Variants in MBD5 observed in about 807,000 individuals in gnomAD.
MBD5 encodes the protein methyl-CpG binding domain protein 5.
In MBD5, 13 loss-of-function variants were observed where a neutral mutation model predicts 117.3. The ratio of observed to expected loss-of-function variants is 0.11; its 90% CI spans 0.07 to 0.18. The LOEUF (loss-of-function observed/expected upper bound fraction) is 0.18, where lower values mean the gene tolerates loss of function less well. MBD5 is among the 10% of genes least tolerant of loss of function. The probability of loss-of-function intolerance (pLI) is 1.00; values close to 1 mark genes in which losing one functional copy is unlikely to be tolerated. For synonymous variants in MBD5, 727 were observed against 766.4 expected (o/e 0.95, Z 0.85); for missense variants, 1,879 against 2,093.8 (o/e 0.90, Z 2.00).
chr2:148,488,158 G>C (rs2166485), intron 10 of MBD5, among the ~76,000 whole-genome samples: 2 of 152,336 alleles, frequency 1.3e-5, no homozygotes, highest in South Asian at 2.1e-4. Flanking sequence ...AATTTAGGAC[G>C]GGTATAGTTG....
intron 2 of MBD5, among the ~76,000 whole-genome samples, chr2:148,210,715 A>G (rs1419759350): frequency 1.3e-5 from 2 of 152,110 alleles, no homozygotes; most frequent in African/African-American, 4.8e-5. Flanking sequence ...ATTATAAAAA[A>G]TAACTTAGAT....
chr2:148,062,490 AACTGTTTATATTCT>A lies in MBD5; in HGVS notation c.-925+40809_-925+40822del, dbSNP rs561998124. On this transcript the variant is annotated intron_variant, in intron 1 of 13. Coordinates refer to ENST00000642680, the MANE Select transcript of MBD5 (RefSeq NM_001378120.1). The stretch of plus-strand genomic sequence containing the variant: ...GACAACTTAAGCATGATAAACACTT[AACTGTTTATATTCT>A]ACAAGCTCAGTGTAATGTAAAAAAT... 609 of 152,062 alleles carry A rather than the reference AACTGTTTATATTCT, an allele frequency of 4.0e-3. 2 individuals are homozygous for A. Among genetic ancestry groups the A allele is most frequent in the African/African-American group, 0.014 (562 of 41,556 alleles). 9.4% of individuals were successfully genotyped at this position (152,062 alleles called of 1,614,324 possible). A position where few individuals can be genotyped will look rare whatever the true frequency, so the allele number is the denominator to read the frequency against.
chr2:148,356,048 T>G (rs1703372653), intron 4 of MBD5, among the ~76,000 whole-genome samples: 1 of 152,160 alleles, frequency 6.6e-6, no homozygotes, highest in Non-Finnish European at 1.5e-5. Context: ...CCCTTGTAAG[T>G]TGTATTCCTA....
At chr2:148,227,163 G>A (rs1699851325) in intron 2 of MBD5, among the ~76,000 whole-genome samples, 1 of 152,148 alleles carries the variant, frequency 6.6e-6, no homozygotes, top group African/African-American at 2.4e-5. Context: ...ATTGCTTTTG[G>A]TGTTTTAGAC....
At chr2:148,038,775 T>C (rs1354233068) in intron 1 of MBD5, among the ~76,000 whole-genome samples, 2 of 152,012 alleles carry the variant, frequency 1.3e-5, no homozygotes, top group Non-Finnish European at 2.9e-5. Flanking sequence ...TTACTGTCCA[T>C]TGTATTTTTT....
intron 8 of MBD5, chr2:148,470,689 TG>T: frequency 1.9e-6 from 1 of 528,760 alleles, no homozygotes. Context: ...GTTGTCAATC[TG>T]TGTCATTTTG....
At chr2:148,171,343 A>C (rs1250579339) in intron 1 of MBD5, among the ~76,000 whole-genome samples, 1 of 152,238 alleles carries the variant, frequency 6.6e-6, no homozygotes, top group East Asian at 1.9e-4. Context: ...AGAAATCAAT[A>C]AATGTGATAC....
At chr2:148,284,292 G>A (rs1242608340) in intron 3 of MBD5, among the ~76,000 whole-genome samples, 1 of 152,036 alleles carries the variant, frequency 6.6e-6, no homozygotes, top group Non-Finnish European at 1.5e-5. Flanking sequence ...AACCAGCACA[G>A]TAAATAACCT....
chr2:148,058,119 C>T (rs1207707180), intron 1 of MBD5, among the ~76,000 whole-genome samples: 2 of 151,990 alleles, frequency 1.3e-5, no homozygotes, highest in African/African-American at 4.8e-5. Context: ...CCTCCCTACC[C>T]TTTACTTCAT....
chr2:148,413,359 G>A (rs957548121), intron 4 of MBD5, among the ~76,000 whole-genome samples: 2 of 152,024 alleles, frequency 1.3e-5, no homozygotes, highest in Admixed American at 1.3e-4. Flanking sequence ...TCTTAATTCA[G>A]TTTGCTAGGA....
chr2:148,417,747 T>G (rs1326046227), intron 4 of MBD5, among the ~76,000 whole-genome samples: 14 of 152,148 alleles, frequency 9.2e-5, no homozygotes, highest in Non-Finnish European at 1.9e-4. Flanking sequence ...TTTTCGCCAT[T>G]TGTATATCTT....
In MBD5 at chr2:148,411,296, T is replaced by C. The variant is rs542515280; in HGVS notation, c.-556-46907T>C. ...TAGGTTGATTCCATGCCCATAATTC[T>C]GCAATGGGCATATGCGTCCGTGTGT... On this transcript the variant is annotated intron_variant, in intron 4 of 13. Transcript: ENST00000642680. 4.7e-4 allele frequency among the ~76,000 whole-genome samples: 72 copies of C among 152,260 alleles called. 1 individual carries two copies. The South Asian group carries it at 0.012, about 26-fold the overall frequency.
chr2:148,284,811 G>T (rs927483414), intron 3 of MBD5, among the ~76,000 whole-genome samples: 1 of 151,776 alleles, frequency 6.6e-6, no homozygotes, highest in Non-Finnish European at 1.5e-5. Context: ...TATATACATA[G>T]ATTTGTGTAA....
At chr2:148,161,574 T>C (rs1226218899) in intron 1 of MBD5, among the ~76,000 whole-genome samples, 1 of 152,212 alleles carries the variant, frequency 6.6e-6, no homozygotes, top group East Asian at 1.9e-4. Context: ...TTCCTTCACG[T>C]TGCAGTAGGA....
intron 1 of MBD5, among the ~76,000 whole-genome samples, chr2:148,139,797 A>G (rs1209024269): frequency 6.6e-6 from 1 of 152,014 alleles, no homozygotes; most frequent in African/African-American, 2.4e-5. Flanking sequence ...TGCATCTCTG[A>G]GCTTTGGTTC....
rs149278000 is a variant in MBD5 at position 148,468,542 on chromosome 2, G to A, written c.599G>A (p.Arg200Gln). ...CAAGAACTCCACCCTGTCTACCCCC[G>A]ACAGAGATTGGGCAGCAGTGAACAT... Reference protein sequence around the residue: ...QQQELHPVYPRQRLGSSEHGQ... With the variant: ...QQQELHPVYPQQRLGSSEHGQ... Residue 200 changes from arginine (R) to glutamine (Q), a missense_variant, in exon 8 of 14, where the codon CGA becomes CAA. Physicochemically the swap from Arg to Gln is conservative, Grantham distance 43. This residue lies in a region of MBD5 where 1,666 missense variants were observed against 1,792.2 expected (regional missense o/e 0.93). Coordinates refer to ENST00000642680, the MANE Select transcript of MBD5 (RefSeq NM_001378120.1). The A allele has an allele frequency of 3.6e-4, 575 of 1,613,830 alleles. No individual in the cohort carries two copies. The highest frequency in any genetic ancestry group is 4.5e-4 in the Non-Finnish European group (530 of 1,179,854).
intron 2 of MBD5, among the ~76,000 whole-genome samples, chr2:148,213,600 C>T (rs1699482672): frequency 6.6e-6 from 1 of 152,116 alleles, no homozygotes; most frequent in Non-Finnish European, 1.5e-5. Flanking sequence ...TATGATGTTA[C>T]ATTTTAGAGT....
chr2:148,382,620 A>G (rs1348214485), intron 4 of MBD5, among the ~76,000 whole-genome samples: 4 of 152,234 alleles, frequency 2.6e-5, no homozygotes, highest in Admixed American at 6.5e-5. Context: ...AGACATCTAC[A>G]GAACTCTCCA....
chr2:148,116,759 G>T (rs1005600942), intron 1 of MBD5, among the ~76,000 whole-genome samples: 2 of 152,234 alleles, frequency 1.3e-5, no homozygotes, highest in African/African-American at 4.8e-5. Flanking sequence ...TGCTCACATT[G>T]ATCTTTCTCT....
Sources: gnomAD v4.1 joint callset for allele counts (sites outside exome capture counted in the v4.1 genomes callset) on GRCh38, gnomAD v4.1.1 for gene constraint, gnomAD v4.1.1 regional missense constraint, MANE v1.5 for transcripts, NCBI Gene and HGNC (gene_info 2026-07-23, HGNC 2026-07-21) for gene names.